Variants in ZFP64 observed in about 807,000 individuals in gnomAD.
The protein encoded by ZFP64 is zinc finger protein 64.
ZFP64 carries 14 observed loss-of-function variants against 51.6 expected under a neutral mutation model. That is an observed-to-expected ratio of 0.27 (90% CI 0.18 to 0.42). The LOEUF is 0.42. Ranked by LOEUF, ZFP64 falls within the 10% of genes least tolerant of loss-of-function variation. ZFP64 has a pLI of 1.00. For missense variants in ZFP64, 754 were observed against 906.8 expected (o/e 0.83, Z 2.16); for synonymous variants, 375 against 361.4 (o/e 1.04, Z -0.43).
At chr20:52,100,381 G>T (rs2079038352) in intron 5 of ZFP64, among the ~76,000 whole-genome samples, 2 of 152,122 alleles carry the variant, frequency 1.3e-5, no homozygotes, top group Non-Finnish European at 2.9e-5. Flanking sequence ...AGGTAGCTGG[G>T]ATTACAGACG....
chr20:52,172,852 T>C (rs1410112850), intron 2 of ZFP64, among the ~76,000 whole-genome samples: 1 of 152,194 alleles, frequency 6.6e-6, no homozygotes, highest in Non-Finnish European at 1.5e-5. Context: ...GCTGCAGCTT[T>C]CAGGTTTGTT....
intron 5 of ZFP64, among the ~76,000 whole-genome samples, chr20:52,106,549 T>A (rs1201206808): frequency 1.3e-5 from 2 of 152,092 alleles, no homozygotes; most frequent in Non-Finnish European, 2.9e-5. Context: ...GAGGTTACCG[T>A]TGGCGAACCC....
chr20:52,137,216 C>G (rs1472484826), intron 5 of ZFP64, among the ~76,000 whole-genome samples: 1 of 152,058 alleles, frequency 6.6e-6, no homozygotes, highest in Admixed American at 6.5e-5. Flanking sequence ...AATAATATTT[C>G]CTATTTTGAA....
chr20:52,088,363 G>A (rs2078886050), intron 8 of ZFP64: 2 of 1,609,374 alleles, frequency 1.2e-6, no homozygotes, highest in Non-Finnish European at 8.5e-7. Flanking sequence ...AAAAAGTAAG[G>A]GATTGAGGTT....
intron 5 of ZFP64, among the ~76,000 whole-genome samples, chr20:52,155,317 G>C (rs954902852): frequency 6.6e-6 from 1 of 152,158 alleles, no homozygotes; most frequent in Non-Finnish European, 1.5e-5. Flanking sequence ...ATAATTGAAG[G>C]ACGTGTCAAA....
At chr20:52,111,636 C>G (rs888291399) in intron 5 of ZFP64, among the ~76,000 whole-genome samples, 1 of 152,100 alleles carries the variant, frequency 6.6e-6, no homozygotes, top group Non-Finnish European at 1.5e-5. Context: ...TCTCGCAACT[C>G]TTAAGTATTT....
chr20:52,131,471 T>C (rs1979719284), intron 5 of ZFP64, among the ~76,000 whole-genome samples: 1 of 152,120 alleles, frequency 6.6e-6, no homozygotes, highest in Admixed American at 6.5e-5. Context: ...ATCTGCTGCC[T>C]ACAAGAAACA....
At chr20:52,139,855 T>C (rs1980170362) in intron 5 of ZFP64, among the ~76,000 whole-genome samples, 3 of 151,324 alleles carry the variant, frequency 2.0e-5, no homozygotes, top group Admixed American at 2.0e-4. Context: ...GTTGTTTTTT[T>C]TTTTTTTTTT....
chr20:52,167,791 G>T (rs1982405352), intron 2 of ZFP64, among the ~76,000 whole-genome samples: 1 of 152,072 alleles, frequency 6.6e-6, no homozygotes, highest in Non-Finnish European at 1.5e-5. Flanking sequence ...TGACATTTTT[G>T]ACATTTTATT....
rs2078859116 is a variant in ZFP64, at chr20:52,085,898, G to C, written c.1229-632C>G. ...GCTAAGGGTTTCTAGTTGTTTTTGA[G>C]GTTGCTGCTTTAAACGTCAGTTGAA... is the stretch of plus-strand genomic sequence containing the variant. On this transcript the variant is annotated intron_variant, in intron 8 of 8. Coordinates refer to the ZFP64 transcript ENST00000361387. This position sits in a 1 kb window ranked among gnomAD's most constrained non-coding sequence, Gnocchi z 4.3. Among the ~76,000 whole-genome samples, 1 of 152,112 alleles carries C rather than the reference G, an allele frequency of 6.6e-6. No individual in the cohort carries two copies. Among genetic ancestry groups the C allele is most frequent in the Non-Finnish European group, 1.5e-5 (1 of 68,020 alleles).
At chr20:52,187,777 A>G (rs942087385) in intron 1 of ZFP64, among the ~76,000 whole-genome samples, 10 of 152,290 alleles carry the variant, frequency 6.6e-5, no homozygotes, top group African/African-American at 2.4e-4. Flanking sequence ...ATTGTTACCC[A>G]TGGGGCACTA....
intron 5 of ZFP64, chr20:52,104,681 G>T: frequency 2.1e-6 from 1 of 473,302 alleles, no homozygotes; most frequent in Non-Finnish European, 4.4e-6. Context: ...CCCATCCTTC[G>T]GGTCTTCGCT....
intron 2 of ZFP64, among the ~76,000 whole-genome samples, chr20:52,173,461 G>A (rs999880119): frequency 6.6e-6 from 1 of 152,076 alleles, no homozygotes; most frequent in Non-Finnish European, 1.5e-5. Context: ...GATGCTGTGT[G>A]CCTGTAGTTT....
intron 5 of ZFP64, among the ~76,000 whole-genome samples, chr20:52,111,630 G>A (rs1278249034): frequency 1.3e-5 from 2 of 151,902 alleles, no homozygotes; most frequent in Admixed American, 6.6e-5. Flanking sequence ...TGTAATTCTC[G>A]CAACTCTTAA....
intron 5 of ZFP64, among the ~76,000 whole-genome samples, chr20:52,135,086 A>G (rs991418301): frequency 6.6e-6 from 1 of 151,872 alleles, no homozygotes; most frequent in Non-Finnish European, 1.5e-5. Flanking sequence ...CTGGTCTCGA[A>G]CTCCTGACCT....
chr20:52,085,111 G>A lies in ZFP64; in HGVS notation c.1384C>T (p.Arg462Cys), dbSNP rs1257168487. The change falls in exon 9 of 9, where the codon CGC becomes TGC. Residue 462 changes from arginine to cysteine, a missense_variant. Arg to Cys is a radical substitution (Grantham distance 180). Transcript: ENST00000361387. This position sits in a 1 kb window ranked among gnomAD's most constrained non-coding sequence, Gnocchi z 4.3. ...AGACATTTGAAGGTGTGCTTGATGCGGATGTGCGATTTGAGATTCGCCTTC... is the reference window on the plus strand; with the variant it reads ...AGACATTTGAAGGTGTGCTTGATGCAGATGTGCGATTTGAGATTCGCCTTC... 4 of 1,614,242 alleles carry A rather than the reference G, an allele frequency of 2.5e-6. No individual in the cohort carries two copies. Among genetic ancestry groups the A allele is most frequent in the Non-Finnish European group, 3.4e-6 (4 of 1,180,052 alleles).
intron 5 of ZFP64, chr20:52,105,246 G>T: frequency 1.5e-6 from 2 of 1,335,458 alleles, no homozygotes; most frequent in South Asian, 4.3e-5. Flanking sequence ...ATGGCGCGAG[G>T]ACCGGGCTCC....
chr20:52,088,302 G>A, intron 8 of ZFP64: 3 of 1,539,574 alleles, frequency 1.9e-6, no homozygotes, highest in Non-Finnish European at 2.6e-6. Context: ...ACCACACCAA[G>A]TCATTTAAGT....
intron 7 of ZFP64, among the ~76,000 whole-genome samples, chr20:52,090,964 G>C (rs76843939): frequency 7.2e-6 from 1 of 139,636 alleles, no homozygotes; most frequent in Non-Finnish European, 1.5e-5. Flanking sequence ...GATTTGCTAC[G>C]TGTGGTGGTA....
Sources: gnomAD v4.1 joint callset for allele counts (sites outside exome capture counted in the v4.1 genomes callset) on GRCh38, gnomAD v4.1.1 for gene constraint, Gnocchi (gnomAD v3.1) non-coding constraint, MANE v1.5 for transcripts, NCBI Gene and HGNC (gene_info 2026-07-23, HGNC 2026-07-21) for gene names.